REST: variants seen among roughly 807,000 people sequenced by gnomAD.
The protein encoded by REST is RE1 silencing transcription factor, also known as RE1-silencing transcription factor.
REST carries 1 observed loss-of-function variant against 30.4 expected under a neutral mutation model. The observed-to-expected ratio is 0.03, with a 90% confidence interval of 0.01 to 0.16. The LOEUF is 0.16. Among genes scored for constraint, REST ranks in the 10% least tolerant of loss-of-function variants. The probability of loss-of-function intolerance (pLI) is 1.00; values close to 1 mark genes in which losing one functional copy is unlikely to be tolerated. For synonymous variants in REST, 504 were observed against 451.1 expected (o/e 1.12, Z -1.49); for missense variants, 1,259 against 1,329.5 (o/e 0.95, Z 0.82).
chr4:56,928,743 G>A (rs774548072), intron 3 of REST, among the ~76,000 whole-genome samples: 1 of 151,636 alleles, frequency 6.6e-6, no homozygotes, highest in Non-Finnish European at 1.5e-5. Flanking sequence ...GCAACACCAC[G>A]CCCAGCTAAA....
chr4:56,914,045 C>T (rs1252709689), intron 2 of REST, among the ~76,000 whole-genome samples: 1 of 151,866 alleles, frequency 6.6e-6, no homozygotes, highest in Non-Finnish European at 1.5e-5. Context: ...GTGACCCTCT[C>T]GCCTCAGTCC....
intron 3 of REST, among the ~76,000 whole-genome samples, chr4:56,924,776 T>C (rs984392362): frequency 3.9e-5 from 6 of 152,204 alleles, no homozygotes; most frequent in African/African-American, 1.4e-4. Flanking sequence ...GAACATTCTT[T>C]TATAAAATGT....
rs1285799630 is a variant in REST, at chr4:56,930,873, C to T, written c.2015C>T (p.Pro672Leu). 2 of 1,614,024 alleles carry T rather than the reference C, an allele frequency of 1.2e-6. No individual in the cohort carries two copies. Among genetic ancestry groups the T allele is most frequent in the African/African-American group, 1.3e-5 (1 of 75,018 alleles). Residue 672 changes from proline (P) to leucine (L), a missense_variant, in exon 4 of 4, where the codon CCT becomes CTT. Pro to Leu is a moderately conservative substitution (Grantham distance 98). Coordinates refer to ENST00000309042, the MANE Select transcript of REST (RefSeq NM_005612.5). ...AAGGAGCTGCTGCCTCCCGTGGAGC[C>T]TGCTCAGATGGTGGGTGCCCAAATT... The part of the protein sequence containing the change: ...AQKELLPPVE[P>L]AQMVGAQIVL...
chr4:56,925,188 C>A (rs914310326), intron 3 of REST, among the ~76,000 whole-genome samples: 27 of 148,934 alleles, frequency 1.8e-4, no homozygotes, highest in Admixed American at 3.3e-4. Context: ...AAAAAAATTT[C>A]TTTGCCATTC....
intron 3 of REST, among the ~76,000 whole-genome samples, chr4:56,926,871 T>A (rs1578508553): frequency 6.6e-6 from 1 of 151,110 alleles, no homozygotes; most frequent in Non-Finnish European, 1.5e-5. Context: ...CCGAGGAGGG[T>A]GGATCACCTG....
chr4:56,909,562 A>T (rs796422212), intron 1 of REST: 3 of 152,364 alleles, frequency 2.0e-5, no homozygotes, highest in African/African-American at 7.2e-5. Flanking sequence ...GTTTTCTGTG[A>T]TGGCATTTGC....
intron 3 of REST, among the ~76,000 whole-genome samples, chr4:56,926,446 G>A (rs1032427755): frequency 7.1e-5 from 10 of 141,522 alleles, no homozygotes; most frequent in Non-Finnish European, 1.4e-4. Context: ...GTGCGATCTC[G>A]GCTCACTGCA....
intron 2 of REST, among the ~76,000 whole-genome samples, chr4:56,918,293 A>T (rs1720297027): frequency 6.6e-6 from 1 of 151,244 alleles, no homozygotes; most frequent in African/African-American, 2.4e-5. Flanking sequence ...GAAGTTCGAG[A>T]CCAGTCTGGG....
rs945526581 is a variant in REST at position 56,931,121 on chromosome 4, G to T, written c.2263G>T (p.Val755Leu). 2 of 1,601,986 alleles carry T rather than the reference G, an allele frequency of 1.2e-6. No individual in the cohort carries two copies. The highest frequency in any genetic ancestry group is 1.7e-6 in the Non-Finnish European group (2 of 1,171,144). ...VQIELSPPME[V>L]VQKEPVKIEL... is the part of the protein sequence containing the mutation. ...GATAGAGCTGTCTCCTCCCATGGAG[G>T]TGGTCCAGAAGGAACCTGTTAAGAT... The change falls in exon 4 of 4, where the codon GTG (valine) becomes TTG (leucine). Residue 755 changes from valine to leucine, a missense_variant. This residue lies in a region of REST where 856 missense variants were observed against 772.8 expected (regional missense o/e 1.11). Transcript: ENST00000309042.
Position 56,910,870 on chromosome 4 carries a change from C to T in REST, c.232C>T (p.Pro78Ser), listed in dbSNP as rs142504829. 1.7e-5 allele frequency: 28 copies of T among 1,613,928 alleles called. No individual in the cohort carries two copies. Among genetic ancestry groups the T allele is most frequent in the Non-Finnish European group, 2.4e-5 (28 of 1,179,990 alleles). Residue 78 changes from proline (P) to serine (S), a missense_variant, in exon 2 of 4, where the codon CCG becomes TCG. Physicochemically the swap from Pro to Ser is moderately conservative, Grantham distance 74. This residue lies in a region of REST where 249 missense variants were observed against 251.5 expected (regional missense o/e 0.99). Transcript: ENST00000309042. ...AGAAAGACAGATGGCAGAACTGATG[C>T]CGGTTGGGGATAACAACTTTTCAGA... ...GEERQMAELM[P>S]VGDNNFSDSE...
rs1369643422 is a variant in REST, at chr4:56,911,156, A to G, written c.518A>G (p.Gln173Arg). Residue 173 changes from glutamine (Q) to arginine (R), a missense_variant, in exon 2 of 4, where the codon CAG becomes CGG. This residue lies in a region of REST where 249 missense variants were observed against 251.5 expected (regional missense o/e 0.99). Transcript: ENST00000309042. ...CAATATGAAGCAGAATCTGAAGAAC[A>G]GTTTGTGCATCACATCAGAGTTCAC... ...PCQYEAESEEQFVHHIRVHSA... is the reference protein window; with the variant it reads ...PCQYEAESEERFVHHIRVHSA... 1 of 1,614,244 alleles carries G rather than the reference A, an allele frequency of 6.2e-7. No individual in the cohort carries two copies. Among genetic ancestry groups the G allele is most frequent in the Non-Finnish European group, 8.5e-7 (1 of 1,180,044 alleles).
chr4:56,916,071 A>C (rs999168023), intron 2 of REST, among the ~76,000 whole-genome samples: 3 of 147,276 alleles, frequency 2.0e-5, no homozygotes, highest in African/African-American at 7.4e-5. Context: ...ACTGCACTCC[A>C]GCCTGGGGGA....
At position 56,928,367 on chromosome 4, in the gene REST, A is replaced by T. The variant is rs573210595; in HGVS notation, c.983-1474A>T. On this transcript the variant is annotated intron_variant, in intron 3 of 3. Coordinates refer to ENST00000309042, the MANE Select transcript of REST (RefSeq NM_005612.5). Reference sequence around the variant, plus strand: ...AGGTGATCCACTGCCTTCGCCTCCCAAAGTGCTGGGATTACAGGTGTGAGC... The same window carrying T: ...AGGTGATCCACTGCCTTCGCCTCCCTAAGTGCTGGGATTACAGGTGTGAGC... Among the ~76,000 whole-genome samples, 294 of 152,042 alleles carry T rather than the reference A, an allele frequency of 1.9e-3. 2 individuals are homozygous for T. The highest frequency in any genetic ancestry group is 6.5e-3 in the African/African-American group (268 of 41,494).
chr4:56,920,656 G>A (rs1260898337), intron 3 of REST, among the ~76,000 whole-genome samples: 1 of 151,944 alleles, frequency 6.6e-6, no homozygotes, highest in South Asian at 2.1e-4. Flanking sequence ...CAGCTGCTCA[G>A]TAGGCTGAGG....
intron 2 of REST, 48 bp downstream of exon 2, chr4:56,911,584 T>G (rs1719916389): frequency 1.4e-6 from 2 of 1,478,180 alleles, no homozygotes; most frequent in East Asian, 4.5e-5. Context: ...TTTCTGATTG[T>G]TACTTGAGTG....
At chr4:56,925,272 A>G (rs1720642162) in intron 3 of REST, among the ~76,000 whole-genome samples, 1 of 151,146 alleles carries the variant, frequency 6.6e-6, no homozygotes, top group Non-Finnish European at 1.5e-5. Context: ...AGAGGCTTGT[A>G]TTTGTGTATT....
intron 2 of REST, among the ~76,000 whole-genome samples, chr4:56,916,565 A>G (rs1373923039): frequency 1.3e-5 from 2 of 152,164 alleles, no homozygotes; most frequent in African/African-American, 4.8e-5. Context: ...TGAACCCAAG[A>G]GGCAGAGGTT....
chr4:56,925,393 T>C (rs902504168), intron 3 of REST, among the ~76,000 whole-genome samples: 1 of 152,054 alleles, frequency 6.6e-6, no homozygotes, highest in Non-Finnish European at 1.5e-5. Flanking sequence ...AAAAATTTTT[T>C]TGTACACAGG....
intron 3 of REST, among the ~76,000 whole-genome samples, chr4:56,921,535 C>G (rs76863472): frequency 2.0e-5 from 3 of 151,942 alleles, no homozygotes; most frequent in Non-Finnish European, 4.4e-5. Context: ...TCAGCCTCCC[C>G]AGTAGCTGGG....
Sources: gnomAD v4.1 joint callset for allele counts (sites outside exome capture counted in the v4.1 genomes callset) on GRCh38, gnomAD v4.1.1 for gene constraint, gnomAD v4.1.1 regional missense constraint, MANE v1.5 for transcripts, NCBI Gene and HGNC (gene_info 2026-07-23, HGNC 2026-07-21) for gene names.